NUFIP2: variants seen among roughly 807,000 people sequenced by gnomAD.
The protein encoded by NUFIP2 is FMR1-interacting protein NUFIP2.
In NUFIP2, 6 loss-of-function variants were observed where a neutral mutation model predicts 56.9. The ratio of observed to expected loss-of-function variants is 0.11; its 90% CI spans 0.06 to 0.21. NUFIP2 has a LOEUF of 0.21. Ranked by LOEUF, NUFIP2 falls within the 10% of genes least tolerant of loss-of-function variation. NUFIP2 has a pLI of 1.00. For synonymous variants in NUFIP2, 321 were observed against 298.2 expected, an observed-to-expected ratio of 1.08 and a Z score of -0.79; for missense variants, 828 against 826.8, an observed-to-expected ratio of 1.00 and a Z score of -0.02.
At chr17:29,291,527 C>T (rs2069213488) in intron 1 of NUFIP2, among the ~76,000 whole-genome samples, 1 of 152,228 alleles carries the variant, frequency 6.6e-6, no homozygotes, top group African/African-American at 2.4e-5. Context: ...TCTGTCAAAA[C>T]TGCTAATTCC....
chr17:29,287,728 G>A lies in NUFIP2; in HGVS notation c.278-12C>T, dbSNP rs1567682039. The A allele has an allele frequency of 6.5e-7, 1 of 1,542,504 alleles. No homozygotes were observed. Among genetic ancestry groups the A allele is most frequent in the Non-Finnish European group, 8.7e-7 (1 of 1,152,662 alleles). Reference sequence around the variant, plus strand: ...TAGTTCACCATAGCCTAGGGGAGGGGAAAAAAAGGATTAAAAAAAAAAATC... The same window carrying A: ...TAGTTCACCATAGCCTAGGGGAGGGAAAAAAAAGGATTAAAAAAAAAAATC... On this transcript the variant is annotated splice_polypyrimidine_tract_variant and intron_variant, in intron 1 of 3. Coordinates refer to ENST00000225388, the MANE Select transcript of NUFIP2 (RefSeq NM_020772.3).
In NUFIP2 at chr17:29,262,206, T is replaced by C. The variant is rs940549065; in HGVS notation, c.*2333A>G. The stretch of plus-strand genomic sequence containing the variant: ...TGTGAGTTGTGAGACGGAAGAACTT[T>C]AAAATTCCAGGCAAGCAAAATGGAC... On this transcript the variant is annotated 3_prime_UTR_variant, in exon 4 of 4. Coordinates refer to ENST00000225388, the MANE Select transcript of NUFIP2 (RefSeq NM_020772.3). The C allele has an allele frequency of 1.3e-5, 2 of 152,670 alleles. No homozygotes were observed. Among genetic ancestry groups the C allele is most frequent in the East Asian group, 3.9e-4 (2 of 5,188 alleles). 9.5% of individuals were successfully genotyped at this position (152,670 alleles called of 1,614,324 possible).
chr17:29,267,333 C>T (rs151028093), intron 3 of NUFIP2, among the ~76,000 whole-genome samples, 165 bp downstream of exon 3: 1,539 of 152,162 alleles, frequency 0.01, 14 homozygotes, highest in Middle Eastern at 0.037. Flanking sequence ...GGATTAGAGG[C>T]ATGAGCCACC....
rs201190853 is a variant in NUFIP2, at chr17:29,264,519, C to T, written c.*20G>A. The T allele has an allele frequency of 2.6e-5, 41 of 1,584,748 alleles. 2 individuals carry two copies. Among genetic ancestry groups the T allele is most frequent in the South Asian group, 2.4e-4 (22 of 90,258 alleles). On this transcript the variant is annotated 3_prime_UTR_variant, in exon 4 of 4. Coordinates refer to ENST00000225388, the MANE Select transcript of NUFIP2 (RefSeq NM_020772.3). ...TGGCTCTAATGCTGCAGAAAGGTTA[C>T]GAATAGGCAGTCTGGTCCTTCATTG...
intron 2 of NUFIP2, among the ~76,000 whole-genome samples, chr17:29,275,209 A>T (rs2069100369): frequency 6.6e-6 from 1 of 152,052 alleles, no homozygotes; most frequent in African/African-American, 2.4e-5. Flanking sequence ...TTTTTTGTAC[A>T]TACAGGGTTT....
In NUFIP2 at chr17:29,261,946, A is replaced by G. The variant is rs542115427; in HGVS notation, c.*2593T>C. 4.7e-5 allele frequency: 7 copies of G among 148,970 alleles called. No homozygotes were observed. In the South Asian group the frequency reaches 1.3e-3, roughly 28 times the overall value. The allele number at this position is 148,970 out of a possible 1,614,324, so 9.2% of individuals were successfully genotyped here. On this transcript the variant is annotated 3_prime_UTR_variant, in exon 4 of 4. Coordinates refer to ENST00000225388, the MANE Select transcript of NUFIP2 (RefSeq NM_020772.3). ...GTTTCATTTAGAAGTGAGACTCTCA[A>G]AAACCTTTGGACAGACAGAGAAGTG...
At position 29,256,155 on chromosome 17, in the gene NUFIP2, A is replaced by G. The variant is rs2068970054; in HGVS notation, c.*8384T>C. 1 of 152,236 alleles carries G rather than the reference A, an allele frequency of 6.6e-6. No homozygotes were observed. The highest frequency in any genetic ancestry group is 1.5e-5 in the Non-Finnish European group (1 of 68,040). The allele number at this position is 152,236 out of a possible 1,614,324, so 9.4% of individuals were successfully genotyped here. On this transcript the variant is annotated 3_prime_UTR_variant, in exon 4 of 4. Transcript: ENST00000225388. ...ATATTTTTGACTGGGCAAAACAAAC[A>G]TTGAAACTTTTTTTTGAGCGGGGGG... is the stretch of plus-strand genomic sequence containing the variant.
Position 29,275,970 on chromosome 17 carries a change from G to C in NUFIP2, c.2003-8440C>G, listed in dbSNP as rs907305739. Among the ~76,000 whole-genome samples the C allele has an allele frequency of 5.3e-5, 8 of 151,292 alleles. No individual in the cohort carries two copies. The South Asian group carries it at 1.3e-3, about 24-fold the overall frequency. On this transcript the variant is annotated intron_variant, in intron 2 of 3. Transcript: ENST00000225388. ...TTGAACCCAGGAGGCGGAGGTTGCA[G>C]TGAGCCAAGATTGCGCCACTGCACT...
At chr17:29,268,789 A>C (rs1020891104) in intron 2 of NUFIP2, among the ~76,000 whole-genome samples, 3 of 151,958 alleles carry the variant, frequency 2.0e-5, no homozygotes, top group Non-Finnish European at 4.4e-5. Flanking sequence ...TCAGCCCCCC[A>C]AAGTGCTGGG....
chr17:29,264,945 C>G (rs2069025708), intron 3 of NUFIP2, among the ~76,000 whole-genome samples: 1 of 152,120 alleles, frequency 6.6e-6, no homozygotes, highest in African/African-American at 2.4e-5. Context: ...ACCAATAATC[C>G]AATATTAAAA....
chr17:29,289,838 C>T (rs1458918609), intron 1 of NUFIP2, among the ~76,000 whole-genome samples: 1 of 152,100 alleles, frequency 6.6e-6, no homozygotes, highest in African/African-American at 2.4e-5. Context: ...ATTAAAGTAA[C>T]CCAAGAAAAC....
chr17:29,287,090 T>C lies in NUFIP2; in HGVS notation c.904A>G (p.Lys302Glu). The C allele has an allele frequency of 6.2e-7, 1 of 1,614,192 alleles. No homozygotes were observed. Among genetic ancestry groups the C allele is most frequent in the Non-Finnish European group, 8.5e-7 (1 of 1,180,028 alleles). Reference protein sequence around the residue: ...GKPAVGDMLRKSSDSKPGVSS... With the variant: ...GKPAVGDMLRESSDSKPGVSS... The stretch of plus-strand genomic sequence containing the variant: ...ACACCAGGTTTACTATCTGAGCTTT[T>C]CCGAAGCATATCACCCACAGCAGGT... The change falls in exon 2 of 4, where the codon AAA becomes GAA. Residue 302 changes from lysine (K) to glutamate (E), a missense_variant. Lys to Glu is a moderately conservative substitution (Grantham distance 56, BLOSUM62 1). Around this residue, in one of 3 missense-constraint regions of NUFIP2, gnomAD observed 415 missense variants for 408.7 expected, o/e 1.02. Coordinates refer to ENST00000225388, the MANE Select transcript of NUFIP2 (RefSeq NM_020772.3).
rs188404893 is a variant in NUFIP2, at chr17:29,277,416, A to C, written c.2002+8576T>G. Among the ~76,000 whole-genome samples, 293 of 152,256 alleles carry C rather than the reference A, an allele frequency of 1.9e-3. 1 individual carries two copies. The highest frequency in any genetic ancestry group is 6.8e-3 in the African/African-American group (283 of 41,532). On this transcript the variant is annotated intron_variant, in intron 2 of 3. Coordinates refer to ENST00000225388, the MANE Select transcript of NUFIP2 (RefSeq NM_020772.3). ...AATGCCAAACAAACTGACTCCCACA[A>C]CTGAGAACCCCCAAATCAATTTATC...
At position 29,286,974 on chromosome 17, in the gene NUFIP2, G is replaced by T; in HGVS notation, c.1020C>A (p.Pro340=). ...TGCTATTGTCCACTGGAAAAACTGG[G>T]GGTGGTTTAAATAGGGTCCACGAGT... The part of the protein sequence containing the change: ...KEDSWTLFKP[P]PVFPVDNSSA... The change falls in exon 2 of 4, where the codon CCC becomes CCA. Residue 340 remains proline (P), a synonymous_variant. Coordinates refer to ENST00000225388, the MANE Select transcript of NUFIP2 (RefSeq NM_020772.3). The T allele has an allele frequency of 1.2e-6, 2 of 1,614,138 alleles. No homozygotes were observed. The highest frequency in any genetic ancestry group is 2.2e-5 in the South Asian group (2 of 91,084).
chr17:29,267,572 G>A (rs772335429), intron 2 of NUFIP2, 42 bp from the exon 3 acceptor site: 3 of 1,260,244 alleles, frequency 2.4e-6, no homozygotes, highest in Non-Finnish European at 3.4e-6. Flanking sequence ...GTTTTGGTGA[G>A]CAAAGTCTGA....
chr17:29,262,530 G>C lies in NUFIP2; in HGVS notation c.*2009C>G, dbSNP rs1392463179. ...TTGTACATGGGCCTGAAGCATCCTA[G>C]CTTTTGGCAAGCAGGCAGGAGACTC... On this transcript the variant is annotated 3_prime_UTR_variant, in exon 4 of 4. Coordinates refer to ENST00000225388, the MANE Select transcript of NUFIP2 (RefSeq NM_020772.3). 2.0e-5 allele frequency: 3 copies of C among 152,366 alleles called. No individual in the cohort carries two copies. The East Asian group carries it at 5.8e-4, about 29-fold the overall frequency. The allele number at this position is 152,366 out of a possible 1,614,324, so 9.4% of individuals were successfully genotyped here.
intron 2 of NUFIP2, among the ~76,000 whole-genome samples, chr17:29,278,277 C>T (rs541057394): frequency 8.9e-4 from 134 of 151,410 alleles, no homozygotes; most frequent in South Asian, 3.1e-3. Context: ...GACAGAGTCT[C>T]GCTCTGTCCC....
intron 2 of NUFIP2, among the ~76,000 whole-genome samples, chr17:29,269,884 C>T (rs1598430453): frequency 1.3e-5 from 2 of 152,066 alleles, no homozygotes; most frequent in East Asian, 3.9e-4. Flanking sequence ...CCACGCCTGG[C>T]TAATTTTTTG....
chr17:29,289,240 T>C (rs950169244), intron 1 of NUFIP2, among the ~76,000 whole-genome samples: 2 of 152,244 alleles, frequency 1.3e-5, no homozygotes, highest in Admixed American at 1.3e-4. Context: ...AATGGTGCTA[T>C]TAGTTATCTA....
Sources: allele counts gnomAD v4.1 joint callset (sites outside exome capture counted in the v4.1 genomes callset), GRCh38; gene constraint gnomAD v4.1.1; regional missense constraint gnomAD v4.1.1; transcripts MANE v1.5; gene names NCBI Gene and HGNC (gene_info 2026-07-23, HGNC 2026-07-21).